Variants in GSE1 observed in about 807,000 individuals in gnomAD.
The protein encoded by GSE1 is genetic suppressor element 1.
Under a neutral mutation model 112.6 loss-of-function variants are expected in GSE1, and 32 were observed. That is an observed-to-expected ratio of 0.28 (90% CI 0.21 to 0.38). GSE1 has a LOEUF of 0.38. Among genes scored for constraint, GSE1 ranks in the 10% least tolerant of loss-of-function variants. The pLI is 1.00. For missense variants in GSE1, 2,348 were observed against 1,699.2 expected, an observed-to-expected ratio of 1.38 and a Z score of -6.71; for synonymous variants, 1,115 against 735.6, an observed-to-expected ratio of 1.52 and a Z score of -8.35.
chr16:85,292,011 C>T (rs531500721), intron 1 of GSE1, among the ~76,000 whole-genome samples: 2 of 152,322 alleles, frequency 1.3e-5, no homozygotes, highest in East Asian at 1.9e-4. Flanking sequence ...GGAAATCCAC[C>T]CTCAGCATGG....
intron 1 of GSE1, among the ~76,000 whole-genome samples, chr16:85,225,831 G>A (rs1427726320): frequency 6.6e-6 from 1 of 152,208 alleles, no homozygotes; most frequent in Non-Finnish European, 1.5e-5. Context: ...CAGTTTCTGT[G>A]TGACAGAAAT....
At chr16:85,266,172 G>A (rs1484920159) in intron 1 of GSE1, among the ~76,000 whole-genome samples, 1 of 152,150 alleles carries the variant, frequency 6.6e-6, no homozygotes, top group Admixed American at 6.5e-5. Flanking sequence ...CCCTCCCCAG[G>A]AAGGGCAAAC....
intron 2 of GSE1, among the ~76,000 whole-genome samples, chr16:85,363,331 T>C (rs375014812): frequency 2.6e-5 from 4 of 152,342 alleles, no homozygotes; most frequent in African/African-American, 9.6e-5. Context: ...TTTGGGGCAG[T>C]CTATGGGTTC....
At chr16:85,238,363 G>A (rs1261504167) in intron 1 of GSE1, among the ~76,000 whole-genome samples, 2 of 152,234 alleles carry the variant, frequency 1.3e-5, no homozygotes, top group Admixed American at 1.3e-4. Flanking sequence ...CCATCCAAGG[G>A]GGGCGGTGTT....
intron 2 of GSE1, among the ~76,000 whole-genome samples, chr16:85,644,733 C>T (rs1053168890): frequency 6.6e-5 from 10 of 151,836 alleles, no homozygotes; most frequent in East Asian, 1.9e-4. Flanking sequence ...TGGTGATGGT[C>T]GCACAACTCT....
At chr16:85,495,062 G>C (rs776343889) in intron 2 of GSE1, among the ~76,000 whole-genome samples, 1 of 152,228 alleles carries the variant, frequency 6.6e-6, no homozygotes, top group Non-Finnish European at 1.5e-5. Flanking sequence ...CTTCCTATGG[G>C]CTATGATCAT....
At chr16:85,275,124 A>G (rs1042230356) in intron 1 of GSE1, among the ~76,000 whole-genome samples, 1 of 152,224 alleles carries the variant, frequency 6.6e-6, no homozygotes, top group Non-Finnish European at 1.5e-5. Context: ...CCGCAGACAC[A>G]GACCTGGGCC....
chr16:85,629,919 A>G (rs1377510496), intron 1 of GSE1, among the ~76,000 whole-genome samples: 1 of 152,102 alleles, frequency 6.6e-6, no homozygotes, highest in Non-Finnish European at 1.5e-5. Context: ...TAAACACAAA[A>G]CCTTTGTTAT....
At chr16:85,616,931 C>T (rs1398456931) in intron 1 of GSE1, among the ~76,000 whole-genome samples, 2 of 152,166 alleles carry the variant, frequency 1.3e-5, no homozygotes, top group African/African-American at 4.8e-5. Flanking sequence ...CCAAAAGCAG[C>T]CCTTTGCATG....
rs1567775423 is a variant in GSE1 at position 85,672,474 on chromosome 16, C to T, written c.3589C>T (p.Arg1197Ter). ...GCTCCAGGCAGAACTGGACCACTTA[C>T]GAAAGTGCCTTGCCTTGCCTGCAAT... is the stretch of plus-strand genomic sequence containing the variant. ...ERLQAELDHL[R>*]KCLALPAMHW... Residue 1197 changes from arginine to a stop codon, truncating the protein, a stop_gained, in exon 16 of 16, where the codon CGA becomes TGA. Transcript: ENST00000253458. LOFTEE classifies it high-confidence loss of function. 5 of 1,611,084 alleles carry T rather than the reference C, an allele frequency of 3.1e-6. No individual in the cohort carries two copies. Among genetic ancestry groups the T allele is most frequent in the Non-Finnish European group, 2.5e-6 (3 of 1,177,672 alleles).
intron 1 of GSE1, among the ~76,000 whole-genome samples, chr16:85,343,320 C>A (rs1005705907): frequency 6.6e-6 from 1 of 152,104 alleles, no homozygotes; most frequent in African/African-American, 2.4e-5. Context: ...GAATGGAGAG[C>A]AGATTAGCGG....
intron 2 of GSE1, among the ~76,000 whole-genome samples, chr16:85,410,025 C>A (rs1249446540): frequency 1.1e-4 from 2 of 17,520 alleles, no homozygotes; most frequent in Non-Finnish European, 1.9e-4. Context: ...CTCACTGTTA[C>A]ACTCAGGGCC....
chr16:85,238,034 G>A (rs1337250425), intron 1 of GSE1, among the ~76,000 whole-genome samples: 2 of 152,168 alleles, frequency 1.3e-5, no homozygotes, highest in African/African-American at 4.8e-5. Flanking sequence ...AGAGGGCTTG[G>A]CCCTGGGTAG....
intron 1 of GSE1, among the ~76,000 whole-genome samples, chr16:85,324,283 GTGGATCACC>G (rs2046179264): frequency 6.6e-6 from 1 of 152,212 alleles, no homozygotes; most frequent in South Asian, 2.1e-4. Context: ...ACTGAGGCAG[GTGGATCACC>G]TGGGGTCAGG....
chr16:85,652,356 G>A (rs1010912126), intron 3 of GSE1, among the ~76,000 whole-genome samples: 43 of 152,228 alleles, frequency 2.8e-4, no homozygotes, highest in Admixed American at 2.4e-3. Context: ...AAGGCCAGGC[G>A]CTGGCTCCTC....
chr16:85,342,090 A>G (rs1461915826), intron 1 of GSE1, among the ~76,000 whole-genome samples: 2 of 151,908 alleles, frequency 1.3e-5, no homozygotes, highest in African/African-American at 4.8e-5. Flanking sequence ...CCTCCAGCCC[A>G]TCACTGCCAC....
chr16:85,452,779 C>T (rs1323632173), intron 2 of GSE1, among the ~76,000 whole-genome samples: 1 of 152,224 alleles, frequency 6.6e-6, no homozygotes, highest in African/African-American at 2.4e-5. Context: ...GTGTCTTTCC[C>T]AGCAGTGGTA....
chr16:85,553,342 C>T (rs1183828828), upstream of GSE1, among the ~76,000 whole-genome samples: 1 of 151,008 alleles, frequency 6.6e-6, no homozygotes, highest in East Asian at 1.9e-4. Context: ...GCGCAGAGAG[C>T]GCGCCGCCAC....
rs569094716 is a variant in GSE1 at position 85,286,704 on chromosome 16, A to AT, written c.2284-70743dup. Among the ~76,000 whole-genome samples the AT allele has an allele frequency of 3.0e-3, 422 of 140,420 alleles. 1 individual carries two copies. The highest frequency in any genetic ancestry group is 3.9e-3 in the Middle Eastern group (1 of 258). The allele number at this position is 140,420 out of a possible 152,430, so 92.1% of individuals were successfully genotyped here. The stretch of plus-strand genomic sequence containing the variant: ...CCCAACAGCTTCAGACTGGGTTGGG[A>AT]TTTTTTTTTTTTTTTTGAAAGATGA... On this transcript the variant is annotated intron_variant, in intron 1 of 2. Transcript: ENST00000637419.
Sources: gnomAD v4.1 joint callset for allele counts (sites outside exome capture counted in the v4.1 genomes callset) on GRCh38, gnomAD v4.1.1 for gene constraint, MANE v1.5 for transcripts, NCBI Gene and HGNC (gene_info 2026-07-23, HGNC 2026-07-21) for gene names.